HDAC9: variants seen among roughly 807,000 people sequenced by gnomAD.
HDAC9 encodes the protein MEF-2 interacting transcription repressor (MITR) protein.
In HDAC9, 41 loss-of-function variants were observed where a neutral mutation model predicts 139.4. That is an observed-to-expected ratio of 0.29 (90% CI 0.23 to 0.38). The LOEUF is 0.38. Among genes scored for constraint, HDAC9 ranks in the 10% least tolerant of loss-of-function variants. The probability of loss-of-function intolerance (pLI) is 1.00; values close to 1 mark genes in which losing one functional copy is unlikely to be tolerated. For missense variants in HDAC9, 1,147 were observed against 1,297.0 expected (o/e 0.88, Z 1.78); for synonymous variants, 517 against 476.2 (o/e 1.09, Z -1.12).
intron 1 of HDAC9, among the ~76,000 whole-genome samples, chr7:18,355,211 T>G (rs977773861): frequency 5.9e-5 from 9 of 152,190 alleles, no homozygotes; most frequent in African/African-American, 2.2e-4. Flanking sequence ...TCTCCACTTG[T>G]CCATGAGGAA....
chr7:18,939,330 T>G (rs947189511), intron 23 of HDAC9, among the ~76,000 whole-genome samples: 1 of 152,306 alleles, frequency 6.6e-6, no homozygotes, highest in East Asian at 1.9e-4. Context: ...TTTTGAAAGG[T>G]AAATTTTGTT....
At chr7:18,621,376 A>G (rs1243394095) in intron 6 of HDAC9, among the ~76,000 whole-genome samples, 1 of 152,020 alleles carries the variant, frequency 6.6e-6, no homozygotes, top group Non-Finnish European at 1.5e-5. Context: ...GAAGCAAGCA[A>G]TAAAATTTAT....
intron 12 of HDAC9, among the ~76,000 whole-genome samples, chr7:18,719,678 C>A (rs1028476225): frequency 3.3e-5 from 5 of 151,942 alleles, no homozygotes; most frequent in Admixed American, 2.0e-4. Context: ...GTCTCTTTTG[C>A]CTTTGGTCTT....
At chr7:18,597,483 C>T (rs1832821052) in intron 6 of HDAC9, among the ~76,000 whole-genome samples, 1 of 152,072 alleles carries the variant, frequency 6.6e-6, no homozygotes, top group African/African-American at 2.4e-5. Context: ...ATATAGTACA[C>T]TGCTGAACTG....
At chr7:18,426,119 A>C (rs953199188) in intron 1 of HDAC9, among the ~76,000 whole-genome samples, 11 of 152,224 alleles carry the variant, frequency 7.2e-5, no homozygotes, top group African/African-American at 2.7e-4. Context: ...CTTCTGAATA[A>C]ATCAAGCATA....
At chr7:18,828,954 G>A (rs967425768) in intron 17 of HDAC9, among the ~76,000 whole-genome samples, 12 of 152,200 alleles carry the variant, frequency 7.9e-5, no homozygotes, top group Admixed American at 7.2e-4. Flanking sequence ...CTTCTTTTGG[G>A]ACATGATCTG....
rs1475181205 is a variant in HDAC9 at position 18,585,852 on chromosome 7, AAGACCCATTTCATATTTC to A, written c.264+332_264+349del. On this transcript the variant is annotated intron_variant, in intron 3 of 25. Coordinates refer to ENST00000686413, the MANE Select transcript of HDAC9 (RefSeq NM_178425.4). ...CCACCAAGAAGAAGCATGAGCCTAG[AAGACCCATTTCATATTTC>A]ATTTCTGAAGAGTCTACATGTACTA... 3.9e-5 allele frequency among the ~76,000 whole-genome samples: 6 copies of A among 152,188 alleles called. 1 individual carries two copies. In the East Asian group the frequency reaches 1.2e-3, roughly 29 times the overall value.
At chr7:18,952,457 A>G (rs1178142974) in intron 23 of HDAC9, among the ~76,000 whole-genome samples, 1 of 152,014 alleles carries the variant, frequency 6.6e-6, no homozygotes, top group Non-Finnish European at 1.5e-5. Context: ...TGAAGAGCTA[A>G]ATAAGCTGTC....
In HDAC9 at chr7:18,768,879, C is replaced by A. The variant is rs184153833; in HGVS notation, c.2214+1724C>A. ...GAATATACAGCCATTCTATTTTTCACTTTCAATACAGTATTCAATAAACTA... is the reference window on the plus strand; with the variant it reads ...GAATATACAGCCATTCTATTTTTCAATTTCAATACAGTATTCAATAAACTA... On this transcript the variant is annotated intron_variant, in intron 16 of 25. Coordinates refer to ENST00000686413, the MANE Select transcript of HDAC9 (RefSeq NM_178425.4). Among the ~76,000 whole-genome samples the A allele has an allele frequency of 3.1e-3, 469 of 152,252 alleles. 1 individual carries two copies. Among genetic ancestry groups the A allele is most frequent in the South Asian group, 0.024 (115 of 4,832 alleles).
intron 13 of HDAC9, among the ~76,000 whole-genome samples, chr7:18,746,237 T>G (rs1270129443): frequency 6.6e-6 from 1 of 152,244 alleles, no homozygotes; most frequent in Non-Finnish European, 1.5e-5. Context: ...ACTATCACTT[T>G]TTATTTTATG....
chr7:18,210,230 C>G (rs533507311), intron 2 of HDAC9, among the ~76,000 whole-genome samples: 1 of 152,190 alleles, frequency 6.6e-6, no homozygotes, highest in South Asian at 2.1e-4. Context: ...TAAGACAAGA[C>G]ATAGATCTGG....
At chr7:18,618,946 C>T (rs990084581) in intron 6 of HDAC9, among the ~76,000 whole-genome samples, 1 of 151,452 alleles carries the variant, frequency 6.6e-6, no homozygotes, top group African/African-American at 2.4e-5. Flanking sequence ...CTTTGGGATT[C>T]AGGTAGAAAA....
intron 21 of HDAC9, among the ~76,000 whole-genome samples, chr7:18,865,612 G>A (rs974259338): frequency 6.6e-6 from 1 of 152,138 alleles, no homozygotes; most frequent in African/African-American, 2.4e-5. Context: ...CAGGGCCTGT[G>A]TTGTGTGAGG....
At chr7:18,570,037 A>G (rs891513745) in intron 2 of HDAC9, among the ~76,000 whole-genome samples, 1 of 152,212 alleles carries the variant, frequency 6.6e-6, no homozygotes, top group African/African-American at 2.4e-5. Flanking sequence ...GTTAATTATG[A>G]TTTAGTATCT....
rs535071292 is a variant in HDAC9 at position 18,730,792 on chromosome 7, C to A, written c.1909+3035C>A. On this transcript the variant is annotated intron_variant, in intron 13 of 25. Transcript: ENST00000686413. ...TTACTGTAGAGCTTAGCAACTTTAGCATATGATTTTTTTTTAAATTTCCTT... is the reference window on the plus strand; with the variant it reads ...TTACTGTAGAGCTTAGCAACTTTAGAATATGATTTTTTTTTAAATTTCCTT... Among the ~76,000 whole-genome samples, 6 of 152,262 alleles carry A rather than the reference C, an allele frequency of 3.9e-5. 1 individual carries two copies. Among genetic ancestry groups the A allele is most frequent in the African/African-American group, 1.4e-4 (6 of 41,542 alleles).
At chr7:18,392,234 T>C (rs1477329337) in intron 1 of HDAC9, among the ~76,000 whole-genome samples, 1 of 151,680 alleles carries the variant, frequency 6.6e-6, no homozygotes, top group African/African-American at 2.4e-5. Flanking sequence ...AACCTTCAGG[T>C]ACATGATTAT....
intron 21 of HDAC9, among the ~76,000 whole-genome samples, chr7:18,860,514 T>C (rs117220246): frequency 6.6e-6 from 1 of 152,226 alleles, no homozygotes; most frequent in Non-Finnish European, 1.5e-5. Flanking sequence ...AAATATACTT[T>C]CTTCCTTGGT....
chr7:18,196,436 G>T (rs1164401145), intron 2 of HDAC9, among the ~76,000 whole-genome samples: 1 of 152,108 alleles, frequency 6.6e-6, no homozygotes, highest in Non-Finnish European at 1.5e-5. Context: ...GATGGAATAG[G>T]CAAAGAAGAA....
intron 1 of HDAC9, among the ~76,000 whole-genome samples, chr7:18,308,596 T>C (rs1367241810): frequency 6.6e-6 from 1 of 152,196 alleles, no homozygotes; most frequent in East Asian, 1.9e-4. Context: ...GAGAAAAATA[T>C]ATTAGGTGTG....
Sources: gnomAD v4.1 joint callset for allele counts (sites outside exome capture counted in the v4.1 genomes callset) on GRCh38, gnomAD v4.1.1 for gene constraint, MANE v1.5 for transcripts, NCBI Gene and HGNC (gene_info 2026-07-23, HGNC 2026-07-21) for gene names.